Variants in AKR1C4 observed in about 807,000 individuals in gnomAD.
AKR1C4 encodes the protein aldo-keto reductase family 1 member C4.
A neutral mutation model predicts 41.0 loss-of-function variants in AKR1C4; 44 were observed. The ratio of observed to expected loss-of-function variants is 1.07; its 90% confidence interval spans 0.84 to 1.38. The LOEUF is 1.38. Among genes scored for constraint, AKR1C4 ranks in the 40% most tolerant of loss-of-function variants. The pLI is 0.00. For synonymous variants in AKR1C4, 165 were observed against 137.7 expected, an observed-to-expected ratio of 1.20 and a Z score of -1.39; for missense variants, 438 against 387.9, an observed-to-expected ratio of 1.13 and a Z score of -1.09.
At chr10:5,212,087 A>T (rs550583800) in intron 5 of AKR1C4, among the ~76,000 whole-genome samples, 2 of 152,364 alleles carry the variant, frequency 1.3e-5, no homozygotes, top group East Asian at 3.9e-4. Context: ...CAGCCAAAAC[A>T]TATGAATCAC....
intron 5 of AKR1C4, 57 bp from the exon 6 acceptor site, chr10:5,212,559 T>C: frequency 7.0e-7 from 1 of 1,428,716 alleles, no homozygotes; most frequent in East Asian, 2.4e-5. Flanking sequence ...TTTTAATCTT[T>C]ATATTAACAT....
intron 8 of AKR1C4, among the ~76,000 whole-genome samples, chr10:5,218,032 AAT>A (rs1832679550): frequency 1.3e-5 from 2 of 152,250 alleles, no homozygotes; most frequent in Admixed American, 1.3e-4. Flanking sequence ...TTTAGAGGAA[AAT>A]AGTAAAATAG....
At chr10:5,211,645 G>A (rs1416443215) in intron 5 of AKR1C4, among the ~76,000 whole-genome samples, 1 of 152,130 alleles carries the variant, frequency 6.6e-6, no homozygotes, top group Non-Finnish European at 1.5e-5. Flanking sequence ...GTCTTCTCCT[G>A]AGCCCTCCAA....
intron 7 of AKR1C4, among the ~76,000 whole-genome samples, chr10:5,216,221 A>G (rs1361022689): frequency 6.6e-6 from 1 of 152,180 alleles, no homozygotes; most frequent in African/African-American, 2.4e-5. Context: ...TGCAGTGAAC[A>G]CTCATTACCA....
At chr10:5,203,802 T>C (rs577799356) in intron 2 of AKR1C4, among the ~76,000 whole-genome samples, 4 of 152,338 alleles carry the variant, frequency 2.6e-5, no homozygotes, top group African/African-American at 9.6e-5. Context: ...TGGTTTAACA[T>C]AGACTACAGA....
rs568381913 is a variant in AKR1C4, at chr10:5,206,832, G to A, written c.570+435G>A. On this transcript the variant is annotated intron_variant, in intron 5 of 8. Coordinates refer to ENST00000263126, the MANE Select transcript of AKR1C4 (RefSeq NM_001818.5). The stretch of plus-strand genomic sequence containing the variant: ...GAGAATAAGAGAAGATCGGTACTAC[G>A]GGTTTAAATAGGGTTTAGATGTCTG... Among the ~76,000 whole-genome samples, 23 of 150,738 alleles carry A rather than the reference G, an allele frequency of 1.5e-4. No homozygotes were observed. In the South Asian group the frequency reaches 4.7e-3, roughly 31 times the overall value.
chr10:5,213,210 G>C, intron 7 of AKR1C4, 51 bp downstream of exon 7: 1 of 1,600,318 alleles, frequency 6.2e-7, no homozygotes, highest in African/African-American at 1.3e-5. Flanking sequence ...CTTCACACGT[G>C]TGCTTCTTGT....
intron 4 of AKR1C4, among the ~76,000 whole-genome samples, chr10:5,206,068 T>G (rs1832479777): frequency 6.6e-6 from 1 of 152,180 alleles, no homozygotes; most frequent in Non-Finnish European, 1.5e-5. Context: ...TCCATGGACA[T>G]TTATCTCTCC....
Position 5,207,309 on chromosome 10 carries a change from A to G in AKR1C4, c.570+912A>G, listed in dbSNP as rs562319526. 80 of 274,636 alleles carry G rather than the reference A, an allele frequency of 2.9e-4. 2 individuals carry two copies. The South Asian group carries it at 3.3e-3, about 11-fold the overall frequency. 17.0% of individuals were successfully genotyped at this position (274,636 alleles called of 1,614,324 possible). ...TATTCAATAAATTTGTAAATACCAT[A>G]CCCACACCAAAGGATTTAACACTGA... is the stretch of plus-strand genomic sequence containing the variant. On this transcript the variant is annotated intron_variant, in intron 5 of 8. Coordinates refer to ENST00000263126, the MANE Select transcript of AKR1C4 (RefSeq NM_001818.5).
rs578156244 is a variant in AKR1C4, at chr10:5,209,242, G to A, written c.570+2845G>A. On this transcript the variant is annotated intron_variant, in intron 5 of 8. Coordinates refer to ENST00000263126, the MANE Select transcript of AKR1C4 (RefSeq NM_001818.5). ...GGTAATCTGCTGGGTGAAATAAGAGGGAAAGTTATATTACACAGCAAATTT... is the reference window on the plus strand; with the variant it reads ...GGTAATCTGCTGGGTGAAATAAGAGAGAAAGTTATATTACACAGCAAATTT... 4.6e-5 allele frequency among the ~76,000 whole-genome samples: 7 copies of A among 152,098 alleles called. No homozygotes were observed. In the South Asian group the frequency reaches 1.5e-3, roughly 32 times the overall value.
In AKR1C4 at chr10:5,206,263, C is replaced by G; in HGVS notation, c.448-12C>G. On this transcript the variant is annotated splice_polypyrimidine_tract_variant and intron_variant, in intron 4 of 8. Coordinates refer to ENST00000263126, the MANE Select transcript of AKR1C4 (RefSeq NM_001818.5). ...CTGCACAAATAATTCCTCACAACCC[C>G]TTTCTCCCCAGGTCATGGAGAAGTG... is the stretch of plus-strand genomic sequence containing the variant. The G allele has an allele frequency of 6.2e-7, 1 of 1,613,986 alleles. No homozygotes were observed. Among genetic ancestry groups the G allele is most frequent in the Non-Finnish European group, 8.5e-7 (1 of 1,179,908 alleles).
chr10:5,213,694 C>G (rs1221726586), intron 7 of AKR1C4, among the ~76,000 whole-genome samples: 1 of 152,116 alleles, frequency 6.6e-6, no homozygotes, highest in Non-Finnish European at 1.5e-5. Flanking sequence ...ATTTAACTGA[C>G]AATTCCATGG....
rs1554797487 is a variant in AKR1C4 at position 5,206,339 on chromosome 10, G to C, written c.512G>C (p.Arg171Thr). ...KSIGVSNFNC[R>T]QLEMILNKPG... ...ATCGGGGTGTCAAACTTCAACTGCA[G>C]GCAGCTGGAGATGATCCTCAACAAG... Residue 171 changes from arginine (R) to threonine (T), a missense_variant, in exon 5 of 9, where the codon AGG (arginine) becomes ACG (threonine). Physicochemically the swap from Arg to Thr is moderately conservative, Grantham distance 71. Transcript: ENST00000263126. 5.6e-6 allele frequency: 9 copies of C among 1,613,940 alleles called. No individual in the cohort carries two copies. The highest frequency in any genetic ancestry group is 7.6e-6 in the Non-Finnish European group (9 of 1,179,988).
chr10:5,205,767 C>A lies in AKR1C4; in HGVS notation c.380C>A (p.Thr127Lys). The A allele has an allele frequency of 6.2e-7, 1 of 1,612,948 alleles. No individual in the cohort carries two copies. The highest frequency in any genetic ancestry group is 1.7e-5 in the Admixed American group (1 of 59,934). The change falls in exon 4 of 9, where the codon ACG becomes AAG. Residue 127 changes from threonine (T) to lysine (K), a missense_variant. Thr to Lys is a moderately conservative substitution (Grantham distance 78). Transcript: ENST00000263126. Reference sequence around the variant, plus strand: ...CTGCTTCTACTTCAGCCAGGTGAGACGCCACTACCAAAAGATGAAAATGGA... The same window carrying A: ...CTGCTTCTACTTCAGCCAGGTGAGAAGCCACTACCAAAAGATGAAAATGGA... ...HFPMALKPGE[T>K]PLPKDENGKV...
At chr10:5,208,397 A>AT (rs1365067394) in intron 5 of AKR1C4, among the ~76,000 whole-genome samples, 2 of 151,622 alleles carry the variant, frequency 1.3e-5, no homozygotes, top group Non-Finnish European at 2.9e-5. Flanking sequence ...GTTTTACTCA[A>AT]TTATTATTAT....
intron 5 of AKR1C4, among the ~76,000 whole-genome samples, chr10:5,208,220 T>C (rs1040501551): frequency 6.6e-6 from 1 of 151,620 alleles, no homozygotes; most frequent in Non-Finnish European, 1.5e-5. Context: ...ATCAACTGTT[T>C]AGAAGCATTT....
chr10:5,203,762 A>T (rs1832439727), intron 2 of AKR1C4, among the ~76,000 whole-genome samples: 1 of 152,220 alleles, frequency 6.6e-6, no homozygotes. Context: ...TCCAATCCAC[A>T]ATCTTGGGAA....
chr10:5,207,550 G>A (rs781894336), intron 5 of AKR1C4: 4 of 637,178 alleles, frequency 6.3e-6, no homozygotes, highest in Non-Finnish European at 8.2e-6. Context: ...TGTACTTACA[G>A]GTGCTAAGAA....
Position 5,213,150 on chromosome 10 carries a change from G to C in AKR1C4, c.837G>C (p.Glu279Asp), listed in dbSNP as rs368641464. The stretch of plus-strand genomic sequence containing the variant: ...GCTACAATGAGCAGCGGATCAGAGA[G>C]AACATCCAGGTGAGGAGTTGGGTGG... ...AKSYNEQRIR[E>D]NIQVFEFQLT... Residue 279 changes from glutamate (E) to aspartate (D), a missense_variant, in exon 7 of 9, where the codon GAG (glutamate) becomes GAC (aspartate). Coordinates refer to ENST00000263126, the MANE Select transcript of AKR1C4 (RefSeq NM_001818.5). The C allele has an allele frequency of 1.2e-6, 2 of 1,613,484 alleles. No individual in the cohort carries two copies. The highest frequency in any genetic ancestry group is 1.7e-6 in the Non-Finnish European group (2 of 1,180,016).
Sources: allele counts gnomAD v4.1 joint callset (sites outside exome capture counted in the v4.1 genomes callset), GRCh38; gene constraint gnomAD v4.1.1; transcripts MANE v1.5; gene names NCBI Gene and HGNC (gene_info 2026-07-23, HGNC 2026-07-21).